ROBO1: variants seen among roughly 807,000 people sequenced by gnomAD.
The protein encoded by ROBO1 is roundabout homolog 1.
ROBO1 carries 149 observed loss-of-function variants against 195.9 expected under a neutral mutation model. That is an observed-to-expected ratio of 0.76 (90% CI 0.67 to 0.87). The LOEUF (loss-of-function observed/expected upper bound fraction) is 0.87, where lower values mean the gene tolerates loss of function less well. Ranked by LOEUF, ROBO1 falls within the 40% of genes least tolerant of loss-of-function variation. The probability of loss-of-function intolerance (pLI) is 0.00; values close to 1 mark genes in which losing one functional copy is unlikely to be tolerated. For synonymous variants in ROBO1, 816 were observed against 733.2 expected, an observed-to-expected ratio of 1.11 and a Z score of -1.82; for missense variants, 1,933 against 2,068.3, an observed-to-expected ratio of 0.93 and a Z score of 1.27.
intron 14 of ROBO1, among the ~76,000 whole-genome samples, chr3:78,666,274 G>T (rs1848248): frequency 6.6e-6 from 1 of 152,224 alleles, no homozygotes; most frequent in Non-Finnish European, 1.5e-5. Flanking sequence ...AGCGTGAGAA[G>T]AGACTAATAC....
chr3:78,748,830 T>G (rs2082721632), intron 4 of ROBO1, among the ~76,000 whole-genome samples: 1 of 152,144 alleles, frequency 6.6e-6, no homozygotes, highest in Non-Finnish European at 1.5e-5. Context: ...AGAGAAGACC[T>G]TCTTTCTTAT....
At chr3:78,948,784 T>TCTC (rs1275825509) in intron 3 of ROBO1, among the ~76,000 whole-genome samples, 3 of 151,664 alleles carry the variant, frequency 2.0e-5, no homozygotes, top group Non-Finnish European at 4.4e-5. Flanking sequence ...CAGCCCAAAA[T>TCTC]CTCAAGCTGA....
At chr3:79,500,096 T>C (rs1277558308) in intron 2 of ROBO1, among the ~76,000 whole-genome samples, 2 of 145,132 alleles carry the variant, frequency 1.4e-5, no homozygotes, top group Non-Finnish European at 3.0e-5. Flanking sequence ...TCGTGAGCCA[T>C]CCCATGCGGC....
intron 3 of ROBO1, among the ~76,000 whole-genome samples, chr3:78,976,295 A>G (rs1396362425): frequency 1.3e-5 from 2 of 152,222 alleles, no homozygotes; most frequent in Non-Finnish European, 2.9e-5. Context: ...AGACAGGAGC[A>G]GTTACCTGAA....
chr3:79,108,631 A>T (rs1456841995), intron 3 of ROBO1, among the ~76,000 whole-genome samples: 1 of 151,862 alleles, frequency 6.6e-6, no homozygotes, highest in East Asian at 1.9e-4. Context: ...TTAAAATTTA[A>T]AGAAACTATA....
intron 3 of ROBO1, among the ~76,000 whole-genome samples, chr3:78,950,337 G>A (rs1374785227): frequency 4.0e-5 from 6 of 151,734 alleles, no homozygotes; most frequent in Admixed American, 3.9e-4. Flanking sequence ...AACCATAAAA[G>A]ATCATGAGTT....
chr3:79,345,246 A>G (rs958816488), intron 2 of ROBO1, among the ~76,000 whole-genome samples: 2 of 152,134 alleles, frequency 1.3e-5, no homozygotes, highest in African/African-American at 4.8e-5. Flanking sequence ...ATTTGGACAG[A>G]TTGGTTCCTT....
In ROBO1 at chr3:79,125,436, T is replaced by G; in HGVS notation, c.172+20A>C. Reference sequence around the variant, plus strand: ...AGGCATTTCAGGAGGAAGTTAGTATTTGGGAAAGAGACACTCTACCTGTAT... The same window carrying G: ...AGGCATTTCAGGAGGAAGTTAGTATGTGGGAAAGAGACACTCTACCTGTAT... On this transcript the variant is annotated intron_variant, in intron 3 of 30. Transcript: ENST00000464233. The G allele has an allele frequency of 6.2e-7, 1 of 1,605,108 alleles. No homozygotes were observed. Among genetic ancestry groups the G allele is most frequent in the Non-Finnish European group, 8.5e-7 (1 of 1,172,746 alleles).
chr3:78,661,082 A>AT lies in ROBO1; in HGVS notation c.2267dup (p.Asn756LysfsTer2), dbSNP rs1435685236. 6.2e-7 allele frequency: 1 copy of AT among 1,613,466 alleles called. No homozygotes were observed. Among genetic ancestry groups the AT allele is most frequent in the Non-Finnish European group, 8.5e-7 (1 of 1,179,712 alleles). On this transcript the variant is annotated frameshift_variant, in exon 16 of 31. Transcript: ENST00000464233. LOFTEE classifies it high-confidence loss of function. The stretch of plus-strand genomic sequence containing the variant: ...TTTCACTATCTGCTCCTTGAAATTC[A>AT]TTAAAAAAAGGGCGAGCCTTAATTT...
chr3:78,813,226 T>A (rs2084796301), intron 4 of ROBO1, among the ~76,000 whole-genome samples: 1 of 133,598 alleles, frequency 7.5e-6, no homozygotes, highest in Admixed American at 7.4e-5. Flanking sequence ...ACTCATTTAT[T>A]ATAGAAGTTT....
At chr3:79,699,551 C>T (rs1947552048) in intron 1 of ROBO1, among the ~76,000 whole-genome samples, 1 of 151,634 alleles carries the variant, frequency 6.6e-6, no homozygotes, top group South Asian at 2.1e-4. Flanking sequence ...CTTCCAAAGG[C>T]ACACCTACCA....
intron 3 of ROBO1, among the ~76,000 whole-genome samples, chr3:78,948,780 A>G (rs1358700323): frequency 1.3e-5 from 2 of 152,206 alleles, no homozygotes; most frequent in Non-Finnish European, 2.9e-5. Flanking sequence ...GTCTCAGCCC[A>G]AAATCTCAAG....
intron 2 of ROBO1, among the ~76,000 whole-genome samples, chr3:79,459,950 A>G (rs895365054): frequency 7.2e-5 from 11 of 152,174 alleles, no homozygotes; most frequent in African/African-American, 2.4e-4. Context: ...AAGCTGCATT[A>G]GTAGTAAGCT....
rs913302659 is a variant in ROBO1 at position 78,751,645 on chromosome 3, C to T, written c.500-4745G>A. On this transcript the variant is annotated intron_variant, in intron 4 of 30. Transcript: ENST00000464233. ...ATTGTAACATAAGTGAGAAATTTCC[C>T]TCCTGACAATCATATGGCTATCTTT... Among the ~76,000 whole-genome samples the T allele has an allele frequency of 2.6e-5, 4 of 152,170 alleles. No individual in the cohort carries two copies. In the East Asian group the frequency reaches 7.7e-4, roughly 29 times the overall value.
intron 3 of ROBO1, among the ~76,000 whole-genome samples, chr3:79,075,783 A>G (rs1305280264): frequency 6.6e-6 from 1 of 151,956 alleles, no homozygotes; most frequent in Non-Finnish European, 1.5e-5. Context: ...ACTGGGCACT[A>G]TAGTATTTGG....
rs55667736 is a variant in ROBO1 at position 79,693,383 on chromosome 3, TTGTGTGTGTG to T, written c.-51+74359_-51+74368del. ...AAAATACACATCAATATATAGAGAT[TTGTGTGTGTG>T]TGTGTGTGTGTGTGTGTGTGTGTGT... On this transcript the variant is annotated intron_variant, in intron 1 of 30. Transcript: ENST00000464233. Among the ~76,000 whole-genome samples, 943 of 145,226 alleles carry T rather than the reference TTGTGTGTGTG, an allele frequency of 6.5e-3. 8 individuals carry two copies. The highest frequency in any genetic ancestry group is 0.021 in the African/African-American group (815 of 38,796).
chr3:79,391,176 C>T (rs1226927561), intron 2 of ROBO1, among the ~76,000 whole-genome samples: 4 of 151,662 alleles, frequency 2.6e-5, no homozygotes, highest in Non-Finnish European at 5.9e-5. Context: ...GCCTGTACTC[C>T]CAGCTACCGA....
chr3:78,750,494 TAAA>T (rs1559814915), intron 4 of ROBO1, among the ~76,000 whole-genome samples: 3 of 138,890 alleles, frequency 2.2e-5, no homozygotes, highest in Non-Finnish European at 4.8e-5. Context: ...AATAAATAAA[TAAA>T]TAAAATAAAA....
At chr3:79,067,270 CATT>C (rs1271556460) in intron 3 of ROBO1, among the ~76,000 whole-genome samples, 3 of 151,858 alleles carry the variant, frequency 2.0e-5, no homozygotes, top group Non-Finnish European at 4.4e-5. Context: ...GGGTTAAACT[CATT>C]ATAGAAACTG....
Sources: allele counts gnomAD v4.1 joint callset (sites outside exome capture counted in the v4.1 genomes callset), GRCh38; gene constraint gnomAD v4.1.1; transcripts MANE v1.5; gene names NCBI Gene and HGNC (gene_info 2026-07-23, HGNC 2026-07-21).